Variants in GRXCR2 observed in about 807,000 individuals in gnomAD.
GRXCR2 encodes the protein glutaredoxin and cysteine rich domain containing 2, also known as glutaredoxin domain-containing cysteine-rich protein 2.
GRXCR2 carries 23 observed loss-of-function variants against 24.8 expected under a neutral mutation model. The ratio of observed to expected loss-of-function variants is 0.93; its 90% CI spans 0.67 to 1.32. The LOEUF is 1.32. Among genes scored for constraint, GRXCR2 ranks in the 40% most tolerant of loss-of-function variants. The pLI is 0.00. For synonymous variants in GRXCR2, 130 were observed against 116.1 expected (o/e 1.12, Z -0.77); for missense variants, 315 against 303.4 (o/e 1.04, Z -0.28).
chr5:145,915,260 G>C (rs1411649842), intron 2 of GRXCR2, among the ~76,000 whole-genome samples: 1 of 152,188 alleles, frequency 6.6e-6, no homozygotes, highest in African/African-American at 2.4e-5. Flanking sequence ...ACTCATTACA[G>C]GTAGAGAATG....
At chr5:145,877,482 G>A (rs1290760991), upstream of GRXCR2, among the ~76,000 whole-genome samples, 1 of 151,438 alleles carries the variant, frequency 6.6e-6, no homozygotes, top group Non-Finnish European at 1.5e-5. Flanking sequence ...GAAATAATAA[G>A]AAAATAATAT....
chr5:145,927,025 T>C (rs1008936941), intron 2 of GRXCR2, among the ~76,000 whole-genome samples: 12 of 152,186 alleles, frequency 7.9e-5, no homozygotes, highest in African/African-American at 2.7e-4. Context: ...TTTAGCTCTC[T>C]GTTTGTCTGT....
At chr5:145,913,032 A>G (rs1454589505) in intron 2 of GRXCR2, among the ~76,000 whole-genome samples, 1 of 152,228 alleles carries the variant, frequency 6.6e-6, no homozygotes, top group Admixed American at 6.5e-5. Flanking sequence ...CTTTTTAAAC[A>G]AATTTTTATT....
At chr5:145,867,146 C>T (rs542205915) in intron 1 of GRXCR2, among the ~76,000 whole-genome samples, 1 of 152,334 alleles carries the variant, frequency 6.6e-6, no homozygotes, top group East Asian at 1.9e-4. Context: ...ATACCATTTA[C>T]TGAGCACTAT....
chr5:145,885,998 A>G (rs1039685399), intron 2 of GRXCR2, among the ~76,000 whole-genome samples: 3 of 152,244 alleles, frequency 2.0e-5, no homozygotes, highest in African/African-American at 4.8e-5. Context: ...TCTGAGCCCA[A>G]AGTTCATGCT....
chr5:145,907,559 T>G (rs1757109669), intron 2 of GRXCR2, among the ~76,000 whole-genome samples: 1 of 150,762 alleles, frequency 6.6e-6, no homozygotes, highest in Non-Finnish European at 1.5e-5. Flanking sequence ...AATAATAAAA[T>G]GATCGCTCTG....
intron 2 of GRXCR2, among the ~76,000 whole-genome samples, chr5:145,893,777 G>C (rs759463346): frequency 6.6e-6 from 1 of 152,138 alleles, no homozygotes; most frequent in Middle Eastern, 3.2e-3. Flanking sequence ...TCTGCACCAA[G>C]CGGACCTAAC....
intron 2 of GRXCR2, among the ~76,000 whole-genome samples, chr5:145,860,577 A>C (rs1756318801): frequency 6.6e-6 from 1 of 152,186 alleles, no homozygotes; most frequent in Non-Finnish European, 1.5e-5. Flanking sequence ...CTGAGTGGAG[A>C]AATGAATGAA....
intron 2 of GRXCR2, among the ~76,000 whole-genome samples, chr5:145,915,670 G>T (rs369193521): frequency 1.1e-3 from 168 of 151,848 alleles, no homozygotes; most frequent in African/African-American, 3.9e-3. Flanking sequence ...GGAGGTGGAG[G>T]TTGCAGTGAG....
upstream of GRXCR2, among the ~76,000 whole-genome samples, chr5:145,875,767 C>T (rs996185059): frequency 2.0e-5 from 3 of 152,120 alleles, no homozygotes; most frequent in African/African-American, 7.2e-5. Flanking sequence ...CTGGGACACA[C>T]CATCAATGAA....
At chr5:145,879,043 G>C (rs971819209) in intron 2 of GRXCR2, among the ~76,000 whole-genome samples, 1 of 152,116 alleles carries the variant, frequency 6.6e-6, no homozygotes, top group Non-Finnish European at 1.5e-5. Context: ...CCAGAAGGAA[G>C]CACTAAACAT....
chr5:145,927,732 T>C (rs935358095), intron 2 of GRXCR2, among the ~76,000 whole-genome samples: 2 of 152,172 alleles, frequency 1.3e-5, no homozygotes, highest in Admixed American at 6.6e-5. Flanking sequence ...ATCAGGATGA[T>C]GCTGGCCTCA....
upstream of GRXCR2, among the ~76,000 whole-genome samples, chr5:145,873,781 A>T (rs1756570459): frequency 6.6e-6 from 1 of 152,208 alleles, no homozygotes; most frequent in African/African-American, 2.4e-5. Flanking sequence ...TTCATTTGCA[A>T]TCACAGCACA....
chr5:145,886,189 C>T (rs918274055), intron 2 of GRXCR2, among the ~76,000 whole-genome samples: 2 of 152,182 alleles, frequency 1.3e-5, no homozygotes, highest in East Asian at 1.9e-4. Flanking sequence ...ACTTAGCTAC[C>T]TATGGTGTTG....
chr5:145,878,570 A>G (rs1756653453), intron 2 of GRXCR2, among the ~76,000 whole-genome samples: 2 of 152,298 alleles, frequency 1.3e-5, no homozygotes, highest in East Asian at 3.9e-4. Context: ...TCGACATTTG[A>G]TAGGTGTACC....
chr5:145,919,538 C>G (rs538536504), intron 2 of GRXCR2, among the ~76,000 whole-genome samples: 1 of 152,288 alleles, frequency 6.6e-6, no homozygotes, highest in African/African-American at 2.4e-5. Context: ...GTTTGCAGAT[C>G]CAGGTGGTAT....
chr5:145,863,424 A>G (rs1756373985), intron 2 of GRXCR2, among the ~76,000 whole-genome samples: 3 of 152,238 alleles, frequency 2.0e-5, no homozygotes, highest in Non-Finnish European at 4.4e-5. Flanking sequence ...ACAGCTAAAA[A>G]ACACAGATCT....
At chr5:145,918,867 G>A (rs972177869) in intron 2 of GRXCR2, among the ~76,000 whole-genome samples, 3 of 152,068 alleles carry the variant, frequency 2.0e-5, no homozygotes, top group Non-Finnish European at 4.4e-5. Flanking sequence ...TTCGTGCCTG[G>A]GACCTCACAC....
chr5:145,873,329 C>A (rs1189896468), upstream of GRXCR2, among the ~76,000 whole-genome samples: 1 of 152,232 alleles, frequency 6.6e-6, no homozygotes, highest in East Asian at 1.9e-4. Flanking sequence ...AATTAGTTAA[C>A]AAGTGTCTTC....
Sources: gnomAD v4.1 joint callset for allele counts (sites outside exome capture counted in the v4.1 genomes callset) on GRCh38, gnomAD v4.1.1 for gene constraint, MANE v1.5 for transcripts, NCBI Gene and HGNC (gene_info 2026-07-23, HGNC 2026-07-21) for gene names.